Variants in TMCO6 observed in about 807,000 individuals in gnomAD.
TMCO6 encodes the protein transmembrane and coiled-coil domain-containing protein 6.
TMCO6 carries 47 observed loss-of-function variants against 61.8 expected under a neutral mutation model. The observed-to-expected ratio is 0.76, with a 90% confidence interval of 0.60 to 0.97. The LOEUF is 0.97. Among genes scored for constraint, TMCO6 ranks in the 50% least tolerant of loss-of-function variants. The pLI is 0.00. For synonymous variants in TMCO6, 261 were observed against 254.2 expected (o/e 1.03, Z -0.25); for missense variants, 557 against 601.6 (o/e 0.93, Z 0.78).
At chr5:140,598,132 C>T in the TMCO6 span, among the ~76,000 whole-genome samples, 1 of 152,104 alleles carries the variant, frequency 6.6e-6, no homozygotes, top group African/African-American at 2.4e-5. Flanking sequence ...CTCATGAAAA[C>T]ATTTAAACAA....
At chr5:140,637,019 G>A (rs189470046), upstream of TMCO6, among the ~76,000 whole-genome samples, 6 of 152,272 alleles carry the variant, frequency 3.9e-5, no homozygotes, top group East Asian at 1.2e-3. Flanking sequence ...CTGGGTCATT[G>A]GTACAATGGT....
chr5:140,619,909 G>A, the TMCO6 span, among the ~76,000 whole-genome samples: 5 of 152,230 alleles, frequency 3.3e-5, no homozygotes, highest in Non-Finnish European at 5.9e-5. Flanking sequence ...TGGTGAGAAT[G>A]TGGAGCAACA....
the TMCO6 span, among the ~76,000 whole-genome samples, chr5:140,624,495 A>G: frequency 1.3e-5 from 2 of 152,206 alleles, no homozygotes; most frequent in Non-Finnish European, 2.9e-5. Flanking sequence ...GAAATTCTGT[A>G]TCCCATTAGA....
At chr5:140,623,435 C>T in the TMCO6 span, among the ~76,000 whole-genome samples, 1 of 151,324 alleles carries the variant, frequency 6.6e-6, no homozygotes, top group Admixed American at 6.6e-5. Context: ...TAAAAGGTAA[C>T]TTAACTCTTT....
chr5:140,611,894 G>A, the TMCO6 span, among the ~76,000 whole-genome samples: 5 of 152,258 alleles, frequency 3.3e-5, no homozygotes, highest in African/African-American at 9.6e-5. Flanking sequence ...TCCATTACAT[G>A]TGATTTTAAA....
At chr5:140,596,979 C>A in the TMCO6 span, among the ~76,000 whole-genome samples, 1 of 152,194 alleles carries the variant, frequency 6.6e-6, no homozygotes, top group Non-Finnish European at 1.5e-5. Flanking sequence ...GCAGAGTAAA[C>A]CTGCCTTGCA....
the TMCO6 span, chr5:140,631,754 G>A: frequency 1.8e-6 from 2 of 1,087,458 alleles, no homozygotes; most frequent in Admixed American, 2.3e-5. Flanking sequence ...TTTTAATAAA[G>A]GTGGGGCAAA....
the TMCO6 span, among the ~76,000 whole-genome samples, chr5:140,597,014 T>C: frequency 2.0e-5 from 3 of 152,244 alleles, no homozygotes; most frequent in Non-Finnish European, 2.9e-5. Context: ...AACAGGCTCC[T>C]ATAATTCTAA....
rs755436404 is a variant in TMCO6 at position 140,643,914 on chromosome 5, G to GA, written c.1056dup (p.Gln353ThrfsTer7). The GA allele has an allele frequency of 6.2e-7, 1 of 1,614,204 alleles. No individual in the cohort carries two copies. Among genetic ancestry groups the GA allele is most frequent in the Admixed American group, 1.7e-5 (1 of 60,022 alleles). On this transcript the variant is annotated frameshift_variant, in exon 9 of 12. Coordinates refer to ENST00000394671, the MANE Select transcript of TMCO6 (RefSeq NM_018502.5). LOFTEE classifies it high-confidence loss of function. ...TTATCCTTCTGCAGTTCTTTTTCCA[G>GA]AAACAGCCCAGTCTGCTCCCTGAGG...
At chr5:140,619,452 C>A in the TMCO6 span, among the ~76,000 whole-genome samples, 1 of 152,160 alleles carries the variant, frequency 6.6e-6, no homozygotes, top group African/African-American at 2.4e-5. Context: ...TACCCTCATA[C>A]AATGGTCCCC....
chr5:140,617,367 G>A, the TMCO6 span, among the ~76,000 whole-genome samples: 2 of 152,142 alleles, frequency 1.3e-5, no homozygotes, highest in African/African-American at 4.8e-5. Context: ...TTCGAGACCA[G>A]CCTGGCCAAC....
Position 140,642,658 on chromosome 5 carries a change from GAGA to G in TMCO6, c.680_682del (p.Lys227del). The G allele has an allele frequency of 3.7e-6, 6 of 1,614,218 alleles. No homozygotes were observed. The Middle Eastern group carries it at 4.9e-4, about 133-fold the overall frequency. On this transcript the variant is annotated inframe_deletion, in exon 6 of 12. Transcript: ENST00000394671. Reference sequence around the variant, plus strand: ...GCTTCTACAGGCTGAGGAAGCTCCAGAGAAGATCATTCCGTGAGTAAAATTGTC... The same window carrying G: ...GCTTCTACAGGCTGAGGAAGCTCCAGAGATCATTCCGTGAGTAAAATTGTC...
the TMCO6 span, among the ~76,000 whole-genome samples, chr5:140,614,194 C>T: frequency 1.9e-3 from 292 of 152,180 alleles, 2 homozygotes; most frequent in African/African-American, 6.5e-3. Context: ...CCACTGAGCC[C>T]GGCCATCTCT....
At chr5:140,613,900 G>T in the TMCO6 span, among the ~76,000 whole-genome samples, 3,528 of 148,944 alleles carry the variant, frequency 0.024, 140 homozygotes, top group African/African-American at 0.084. Flanking sequence ...TTTTGTTGTT[G>T]TTGTTGTTGT....
chr5:140,643,386 G>A (rs763180456), intron 7 of TMCO6, 178 bp from the exon 8 acceptor site: 60 of 675,004 alleles, frequency 8.9e-5, no homozygotes, highest in African/African-American at 1.3e-4. Flanking sequence ...TAATAGAGAC[G>A]GAGTTTCGCC....
the TMCO6 span, among the ~76,000 whole-genome samples, chr5:140,611,816 T>A: frequency 6.6e-6 from 1 of 152,222 alleles, no homozygotes; most frequent in Admixed American, 6.5e-5. Flanking sequence ...TCATACACAA[T>A]ATCATATGTA....
chr5:140,630,150 C>A, the TMCO6 span, among the ~76,000 whole-genome samples: 1 of 151,678 alleles, frequency 6.6e-6, no homozygotes, highest in East Asian at 2.0e-4. Context: ...CATGCCACCA[C>A]ACCCGGCTAA....
the TMCO6 span, among the ~76,000 whole-genome samples, chr5:140,611,481 T>A: frequency 1.3e-5 from 2 of 152,224 alleles, no homozygotes; most frequent in African/African-American, 4.8e-5. Flanking sequence ...TGTTTTACTG[T>A]CTGCGCTTTG....
the TMCO6 span, chr5:140,632,855 G>T: frequency 3.7e-6 from 6 of 1,614,074 alleles, no homozygotes; most frequent in East Asian, 1.3e-4. The surrounding 1 kb of genome is among the most constrained non-coding windows in gnomAD (Gnocchi z 6.2). Context: ...CGGACCAGTC[G>T]GGCTGAGGTT....
Sources: allele counts gnomAD v4.1 joint callset (sites outside exome capture counted in the v4.1 genomes callset), GRCh38; gene constraint gnomAD v4.1.1; non-coding constraint Gnocchi (gnomAD v3.1); transcripts MANE v1.5; gene names NCBI Gene and HGNC (gene_info 2026-07-23, HGNC 2026-07-21).